The following TMEM132C variants were observed in gnomAD, a reference collection of about 807,000 sequenced individuals.
TMEM132C encodes the protein transmembrane protein 132C.
A neutral mutation model predicts 61.4 loss-of-function variants in TMEM132C; 29 were observed. The ratio of observed to expected loss-of-function variants is 0.47; its 90% CI spans 0.35 to 0.64. The LOEUF (loss-of-function observed/expected upper bound fraction) is 0.64, where lower values mean the gene tolerates loss of function less well. TMEM132C is among the 30% of genes least tolerant of loss of function. TMEM132C has a pLI of 0.00. For missense variants in TMEM132C, 1,408 were observed against 1,476.9 expected (o/e 0.95, Z 0.76); for synonymous variants, 656 against 633.1 (o/e 1.04, Z -0.54).
At chr12:128,602,531 T>A (rs1213352234) in intron 3 of TMEM132C, among the ~76,000 whole-genome samples, 3 of 152,264 alleles carry the variant, frequency 2.0e-5, no homozygotes, top group Non-Finnish European at 4.4e-5. Context: ...ATTCACCCTC[T>A]TGTGGCTTCC....
intron 2 of TMEM132C, among the ~76,000 whole-genome samples, chr12:128,429,613 A>C (rs957595568): frequency 1.3e-5 from 2 of 152,110 alleles, no homozygotes; most frequent in Non-Finnish European, 2.9e-5. Context: ...ATCAAGGCCA[A>C]TTTTCATGTT....
rs11059720 is a variant in TMEM132C at position 128,497,789 on chromosome 12, G to A, written c.975-46168G>A. Among the ~76,000 whole-genome samples the A allele has an allele frequency of 0.024, 3,614 of 152,206 alleles. 292 individuals are homozygous for A. In the East Asian group the frequency reaches 0.3, roughly 12 times the overall value. On this transcript the variant is annotated intron_variant, in intron 2 of 8. Coordinates refer to ENST00000435159, the MANE Select transcript of TMEM132C (RefSeq NM_001136103.3). Reference sequence around the variant, plus strand: ...ACCCCTTGCGCTTCCCTGGTGAGGCGATGTCTTACCCTGCTTTGGCTCACA... The same window carrying A: ...ACCCCTTGCGCTTCCCTGGTGAGGCAATGTCTTACCCTGCTTTGGCTCACA...
rs989310049 is a variant in TMEM132C at position 128,663,711 on chromosome 12, GTGTA to G, written c.1306-5702_1306-5699del. Among the ~76,000 whole-genome samples the G allele has an allele frequency of 1.6e-4, 22 of 134,334 alleles. No homozygotes were observed. The East Asian group carries it at 2.6e-3, about 16-fold the overall frequency. 88.1% of individuals were successfully genotyped at this position (134,334 alleles called of 152,430 possible). On this transcript the variant is annotated intron_variant, in intron 4 of 8. Coordinates refer to ENST00000435159, the MANE Select transcript of TMEM132C (RefSeq NM_001136103.3). ...TACGTGTGCCTGCATGTATGCGTGT[GTGTA>G]TGTGTGTGTGCTTGTGTTTGTATAT...
intron 2 of TMEM132C, among the ~76,000 whole-genome samples, chr12:128,535,739 G>A (rs1238836726): frequency 6.6e-6 from 1 of 152,066 alleles, no homozygotes; most frequent in Non-Finnish European, 1.5e-5. Context: ...ATGGTGGCAG[G>A]CACCTGTAGT....
At chr12:128,659,768 T>G (rs1239420753) in intron 4 of TMEM132C, among the ~76,000 whole-genome samples, 2 of 150,500 alleles carry the variant, frequency 1.3e-5, no homozygotes, top group African/African-American at 5.0e-5. Flanking sequence ...GATGTCAGAA[T>G]GGGTCTGGAG....
intron 2 of TMEM132C, among the ~76,000 whole-genome samples, chr12:128,501,513 TG>T (rs1006757381): frequency 1.3e-5 from 2 of 151,978 alleles, no homozygotes; most frequent in African/African-American, 4.8e-5. Flanking sequence ...GAAACCATTG[TG>T]TGCTGAGAAG....
At chr12:128,508,847 CCATAT>C (rs1015394839) in intron 2 of TMEM132C, among the ~76,000 whole-genome samples, 4 of 152,176 alleles carry the variant, frequency 2.6e-5, no homozygotes, top group Non-Finnish European at 4.4e-5. Context: ...TCATATCATA[CCATAT>C]CATATCATGT....
At chr12:128,419,528 T>C (rs1423193314) in intron 2 of TMEM132C, among the ~76,000 whole-genome samples, 1 of 152,100 alleles carries the variant, frequency 6.6e-6, no homozygotes, top group Non-Finnish European at 1.5e-5. Context: ...AAAAGTCTTG[T>C]TCTCTGCTAG....
chr12:128,330,596 G>GA (rs1010886310), intron 1 of TMEM132C, among the ~76,000 whole-genome samples: 7 of 151,988 alleles, frequency 4.6e-5, no homozygotes, highest in African/African-American at 1.7e-4. Flanking sequence ...AGATTGATTT[G>GA]AAAAAAACTC....
chr12:128,320,342 A>G (rs539240786), intron 1 of TMEM132C, among the ~76,000 whole-genome samples: 44 of 152,186 alleles, frequency 2.9e-4, no homozygotes, highest in African/African-American at 9.6e-4. Context: ...ACTTCCATTG[A>G]TTAGTGAGCA....
chr12:128,393,670 T>C (rs1849855668), intron 1 of TMEM132C, among the ~76,000 whole-genome samples: 1 of 152,032 alleles, frequency 6.6e-6, no homozygotes, highest in Admixed American at 6.6e-5. Flanking sequence ...GGCATGATGC[T>C]TCGAGGTGCC....
At position 128,649,399 on chromosome 12, in the gene TMEM132C, C is replaced by T. The variant is rs942343277; in HGVS notation, c.1306-20018C>T. ...GGAAGGGACACACATCATTTGCACT[C>T]GTATTTTATTGGCTGCAAAGGATCT... On this transcript the variant is annotated intron_variant, in intron 4 of 8. Coordinates refer to ENST00000435159, the MANE Select transcript of TMEM132C (RefSeq NM_001136103.3). Among the ~76,000 whole-genome samples, 19 of 152,300 alleles carry T rather than the reference C, an allele frequency of 1.2e-4. 1 individual carries two copies. The highest frequency in any genetic ancestry group is 7.2e-4 in the Admixed American group (11 of 15,292).
chr12:128,352,706 G>A (rs1873378443), intron 1 of TMEM132C, among the ~76,000 whole-genome samples: 1 of 152,154 alleles, frequency 6.6e-6, no homozygotes, highest in South Asian at 2.1e-4. Context: ...GATTTGATTT[G>A]TAGAACCTTA....
intron 1 of TMEM132C, 126 bp from the exon 2 acceptor site, chr12:128,414,606 C>G: frequency 9.6e-7 from 1 of 1,041,788 alleles, no homozygotes; most frequent in Non-Finnish European, 1.3e-6. Context: ...TATAAAAATT[C>G]TAGCCAAGTG....
At chr12:128,607,695 A>G (rs977274563) in intron 3 of TMEM132C, among the ~76,000 whole-genome samples, 3 of 152,240 alleles carry the variant, frequency 2.0e-5, no homozygotes, top group East Asian at 1.9e-4. Context: ...TACTCCTCAC[A>G]TGACGACTGA....
intron 1 of TMEM132C, among the ~76,000 whole-genome samples, chr12:128,406,239 G>A (rs1875338517): frequency 6.6e-6 from 1 of 152,186 alleles, no homozygotes; most frequent in South Asian, 2.1e-4. Context: ...ACACCTTACT[G>A]CTGTGTGAAG....
At chr12:128,427,715 G>A (rs1327458087) in intron 2 of TMEM132C, among the ~76,000 whole-genome samples, 1 of 152,138 alleles carries the variant, frequency 6.6e-6, no homozygotes, top group Non-Finnish European at 1.5e-5. Flanking sequence ...GGCTGGAGAA[G>A]CCCGGCATCC....
At chr12:128,509,586 TG>T (rs1164814769) in intron 2 of TMEM132C, among the ~76,000 whole-genome samples, 1 of 152,182 alleles carries the variant, frequency 6.6e-6, no homozygotes, top group African/African-American at 2.4e-5. Flanking sequence ...ATAGTGAGTT[TG>T]GGGTCCTGAG....
rs749803421 is a variant in TMEM132C, at chr12:128,705,507, G to T, written c.2539G>T (p.Glu847Ter). ...GCACCTCTATGGCAGCTCTCCCGTG[G>T]AGCGTGAGGAAGGGGCTCTCCGAAG... ...DGHLYGSSPV[E>*]REEGALRRAT... The change falls in exon 9 of 9, where the codon GAG becomes TAG. Residue 847 changes from glutamate to a stop codon, truncating the protein, a stop_gained. Coordinates refer to ENST00000435159, the MANE Select transcript of TMEM132C (RefSeq NM_001136103.3). LOFTEE classifies it low-confidence loss of function (END_TRUNC). 6.4e-7 allele frequency: 1 copy of T among 1,550,958 alleles called. No individual in the cohort carries two copies. The highest frequency in any genetic ancestry group is 1.2e-5 in the South Asian group (1 of 84,042).
Sources: gnomAD v4.1 joint callset for allele counts (sites outside exome capture counted in the v4.1 genomes callset) on GRCh38, gnomAD v4.1.1 for gene constraint, MANE v1.5 for transcripts, NCBI Gene and HGNC (gene_info 2026-07-23, HGNC 2026-07-21) for gene names.